LRRC28: variants seen among roughly 807,000 people sequenced by gnomAD.
LRRC28 encodes leucine rich repeat containing 28, also known as leucine-rich repeat-containing protein 28.
A neutral mutation model predicts 45.7 loss-of-function variants in LRRC28; 39 were observed. That is an observed-to-expected ratio of 0.85 (90% CI 0.66 to 1.12). LRRC28 has a LOEUF of 1.12. LRRC28 is among the 50% of genes most tolerant of loss of function. The probability of loss-of-function intolerance (pLI) is 0.00; values close to 1 mark genes in which losing one functional copy is unlikely to be tolerated. For synonymous variants in LRRC28, 206 were observed against 178.8 expected, an observed-to-expected ratio of 1.15 and a Z score of -1.22; for missense variants, 435 against 438.5, an observed-to-expected ratio of 0.99 and a Z score of 0.07.
At chr15:99,323,475 G>A (rs1272582418) in intron 5 of LRRC28, among the ~76,000 whole-genome samples, 1 of 152,116 alleles carries the variant, frequency 6.6e-6, no homozygotes, top group East Asian at 1.9e-4. Flanking sequence ...TAAGTGTGTG[G>A]GACATCCTGA....
chr15:99,311,020 G>A (rs77642132), intron 5 of LRRC28, among the ~76,000 whole-genome samples: 3,493 of 151,708 alleles, frequency 0.023, 115 homozygotes, highest in African/African-American at 0.079. Context: ...GGCCCTGTGT[G>A]GGTCATGGTG....
At chr15:99,291,517 G>A (rs12593456) in intron 5 of LRRC28, among the ~76,000 whole-genome samples, 14,516 of 152,138 alleles carry the variant, frequency 0.095, 999 homozygotes, top group East Asian at 0.32. Flanking sequence ...CTATGGGAGG[G>A]TATTCTAAAG....
In LRRC28 at chr15:99,287,290, G is replaced by T; in HGVS notation, c.243G>T (p.Pro81=). 1 of 1,558,774 alleles carries T rather than the reference G, an allele frequency of 6.4e-7. No individual in the cohort carries two copies. The part of the protein sequence containing the change: ...YLHSNNIVVV[P]EAIGSLVKLQ... ...ACTCAAATAACATAGTTGTGGTTCC[G>T]GAAGGTATGTTTAACTTAAAAATTT... Residue 81 remains proline (P), a synonymous_variant, in exon 4 of 10, where the codon CCG becomes CCT. Transcript: ENST00000301981.
At chr15:99,280,582 A>G (rs1030422253) in intron 3 of LRRC28, among the ~76,000 whole-genome samples, 2 of 151,822 alleles carry the variant, frequency 1.3e-5, no homozygotes, top group African/African-American at 4.8e-5. Flanking sequence ...TACAGTTGTT[A>G]TATTTGTTCC....
At chr15:99,312,771 A>G (rs572650590) in intron 5 of LRRC28, among the ~76,000 whole-genome samples, 256 of 152,320 alleles carry the variant, frequency 1.7e-3, no homozygotes, top group African/African-American at 4.7e-3. Context: ...TAGCTACATT[A>G]TAATTGTATG....
chr15:99,308,008 T>C (rs1955251290), intron 5 of LRRC28, among the ~76,000 whole-genome samples: 1 of 152,170 alleles, frequency 6.6e-6, no homozygotes, highest in South Asian at 2.1e-4. Context: ...CAACAAAAAC[T>C]GAGACGAGTT....
chr15:99,347,370 G>T (rs1427742382), intron 6 of LRRC28, among the ~76,000 whole-genome samples: 1 of 152,098 alleles, frequency 6.6e-6, no homozygotes, highest in Non-Finnish European at 1.5e-5. Context: ...CACCATGCCT[G>T]GCTAATTTTT....
chr15:99,340,195 T>A (rs983477043), intron 6 of LRRC28, among the ~76,000 whole-genome samples: 5 of 152,222 alleles, frequency 3.3e-5, no homozygotes, highest in Admixed American at 6.5e-5. Context: ...TTTGTAGTGG[T>A]AGTACACTTG....
chr15:99,251,743 A>G (rs912983576), intron 1 of LRRC28: 1 of 152,182 alleles, frequency 6.6e-6, no homozygotes, highest in Non-Finnish European at 1.5e-5. Flanking sequence ...GGGACCCGAG[A>G]ACCCTGATAC....
intron 2 of LRRC28, chr15:99,256,486 A>G (rs1029335983): frequency 1.0e-4 from 16 of 157,714 alleles, no homozygotes; most frequent in Admixed American, 7.1e-4. Context: ...CATTCACCAG[A>G]CCAGTTAAAA....
rs142253171 is a variant in LRRC28 at position 99,267,813 on chromosome 15, T to G, written c.169-8763T>G. ...TTTTCTGTCATTGTTACTGATTCCT[T>G]GTCAGTAATGTGAAACGGTGATTCC... On this transcript the variant is annotated intron_variant, in intron 2 of 9. Transcript: ENST00000301981. 1.8e-3 allele frequency among the ~76,000 whole-genome samples: 278 copies of G among 152,306 alleles called. 1 individual carries two copies. Among genetic ancestry groups the G allele is most frequent in the Middle Eastern group, 6.8e-3 (2 of 294 alleles).
At chr15:99,318,967 T>C (rs539903796) in intron 5 of LRRC28, among the ~76,000 whole-genome samples, 32 of 152,258 alleles carry the variant, frequency 2.1e-4, no homozygotes, top group Admixed American at 3.3e-4. Context: ...ATCTGAAATG[T>C]ATATGCACTA....
intron 6 of LRRC28, among the ~76,000 whole-genome samples, chr15:99,336,620 C>G (rs1441076256): frequency 1.3e-5 from 2 of 152,180 alleles, no homozygotes; most frequent in Non-Finnish European, 2.9e-5. Context: ...GAGGCTAGCG[C>G]TTTCTCTCAC....
At chr15:99,362,984 G>A (rs1363379298) in intron 8 of LRRC28, 122 bp from the exon 9 acceptor site, 1 of 1,114,658 alleles carries the variant, frequency 9.0e-7, no homozygotes, top group Non-Finnish European at 1.3e-6. Context: ...TCAGATAACA[G>A]AATTTTCAAC....
chr15:99,303,806 C>G (rs551141939), intron 5 of LRRC28, among the ~76,000 whole-genome samples: 1 of 150,946 alleles, frequency 6.6e-6, no homozygotes, highest in Non-Finnish European at 1.5e-5. Context: ...TGCACTCCAG[C>G]CTGGGGGACA....
chr15:99,375,167 G>A (rs993818926), intron 9 of LRRC28, among the ~76,000 whole-genome samples: 3 of 152,118 alleles, frequency 2.0e-5, no homozygotes, highest in Non-Finnish European at 2.9e-5. Context: ...TATGTAGTTT[G>A]CTGAGAGTTT....
At position 99,329,700 on chromosome 15, in the gene LRRC28, G is replaced by A. The variant is rs180911356; in HGVS notation, c.386-4223G>A. Among the ~76,000 whole-genome samples the A allele has an allele frequency of 4.6e-5, 7 of 152,224 alleles. No homozygotes were observed. In the East Asian group the frequency reaches 1.2e-3, roughly 25 times the overall value. ...AAAGATAAAATTTCTTGAGATCTTC[G>A]CTCTTTGGATATGGATAACTGCATA... On this transcript the variant is annotated intron_variant, in intron 5 of 9. Coordinates refer to ENST00000301981, the MANE Select transcript of LRRC28 (RefSeq NM_144598.5).
At chr15:99,313,719 G>C (rs1229078066) in intron 5 of LRRC28, among the ~76,000 whole-genome samples, 1 of 152,082 alleles carries the variant, frequency 6.6e-6, no homozygotes, top group Non-Finnish European at 1.5e-5. Context: ...CTGAAGGATA[G>C]TTTTCCTGTA....
At chr15:99,356,936 A>T (rs543636475) in intron 7 of LRRC28, among the ~76,000 whole-genome samples, 1 of 152,344 alleles carries the variant, frequency 6.6e-6, no homozygotes, top group East Asian at 1.9e-4. Flanking sequence ...ATATAAATAC[A>T]TTCTCAGAAC....
Sources: gnomAD v4.1 joint callset for allele counts (sites outside exome capture counted in the v4.1 genomes callset) on GRCh38, gnomAD v4.1.1 for gene constraint, MANE v1.5 for transcripts, NCBI Gene and HGNC (gene_info 2026-07-23, HGNC 2026-07-21) for gene names.